Variants in TG observed in about 807,000 individuals in gnomAD.
TG encodes the protein thyroid hormones.
In TG, 270 loss-of-function variants were observed where a neutral mutation model predicts 324.7. That is an observed-to-expected ratio of 0.83 (90% CI 0.75 to 0.92). The LOEUF (loss-of-function observed/expected upper bound fraction) is 0.92. TG is among the 40% of genes least tolerant of loss of function. The pLI is 0.00. For synonymous variants in TG, 1,401 were observed against 1,327.0 expected (o/e 1.06, Z -1.21); for missense variants, 3,591 against 3,456.4 (o/e 1.04, Z -0.98).
chr8:132,941,214 G>A (rs2129907963), intron 25 of TG, 137 bp from the exon 26 acceptor site: 6 of 1,050,140 alleles, frequency 5.7e-6, no homozygotes, highest in Non-Finnish European at 8.7e-6. Context: ...GGCACAGAGA[G>A]CATCTCATCT....
At chr8:132,944,939 C>T (rs1360601767) in intron 26 of TG, among the ~76,000 whole-genome samples, 1 of 152,086 alleles carries the variant, frequency 6.6e-6, no homozygotes, top group Non-Finnish European at 1.5e-5. Flanking sequence ...GAAGAGAAGC[C>T]TAGAGGAAGC....
intron 41 of TG, among the ~76,000 whole-genome samples, chr8:133,088,665 AG>A (rs1846997783): frequency 6.6e-6 from 1 of 152,258 alleles, no homozygotes; most frequent in African/African-American, 2.4e-5. Flanking sequence ...TATACAAAAA[AG>A]AAGGAATAGC....
At position 132,908,275 on chromosome 8, in the gene TG, TTGC is replaced by T. The variant is rs1207576558; in HGVS notation, c.3941_3943del (p.Leu1314del). ...GATGTGCAGTGCTGACTACGCGGAT[TTGC>T]TGCAGACTTTCCAGGTTTTCATATT... On this transcript the variant is annotated inframe_deletion, in exon 18 of 48. Coordinates refer to ENST00000220616, the MANE Select transcript of TG (RefSeq NM_003235.5). 6.2e-7 allele frequency: 1 copy of T among 1,613,706 alleles called. No homozygotes were observed. The highest frequency in any genetic ancestry group is 1.7e-5 in the Admixed American group (1 of 59,950).
chr8:133,074,073 T>C (rs572038238), intron 41 of TG, among the ~76,000 whole-genome samples: 2 of 152,306 alleles, frequency 1.3e-5, no homozygotes, highest in South Asian at 4.1e-4. Flanking sequence ...TCTCCATATG[T>C]AGACACCTAA....
chr8:133,095,204 C>T lies in TG; in HGVS notation c.7400C>T (p.Thr2467Ile), dbSNP rs2131636638. 2 of 1,614,212 alleles carry T rather than the reference C, an allele frequency of 1.2e-6. No individual in the cohort carries two copies. The highest frequency in any genetic ancestry group is 2.2e-5 in the East Asian group (1 of 44,884). Reference sequence around the variant, plus strand: ...GCCAATGTCCTCAATGATGCCCAGACCAAGGTGAGCACTTAAGTGCAAGTT... The same window carrying T: ...GCCAATGTCCTCAATGATGCCCAGATCAAGGTGAGCACTTAAGTGCAAGTT... ...KPANVLNDAQ[T>I]KLLAVSGPFH... Residue 2467 changes from threonine (T) to isoleucine (I), a missense_variant, in exon 42 of 48, where the codon ACC (threonine) becomes ATC (isoleucine). Coordinates refer to ENST00000220616, the MANE Select transcript of TG (RefSeq NM_003235.5).
In TG at chr8:132,942,654, G is replaced by A. The variant is rs78153547; in HGVS notation, c.5233+1112G>A. ...AATGGCCTTTACTCATTTATTCATC[G>A]CTGCTGGCGTTCAGCAAACATGTTT... On this transcript the variant is annotated intron_variant, in intron 26 of 47. Transcript: ENST00000220616. 6.6e-3 allele frequency among the ~76,000 whole-genome samples: 1,001 copies of A among 152,276 alleles called. 12 individuals are homozygous for A. The highest frequency in any genetic ancestry group is 0.023 in the African/African-American group (940 of 41,546).
chr8:132,929,060 T>C lies in TG; in HGVS notation c.4700-16T>C, dbSNP rs761810911. The C allele has an allele frequency of 1.7e-5, 27 of 1,609,468 alleles. No homozygotes were observed. The highest frequency in any genetic ancestry group is 2.3e-5 in the Non-Finnish European group (27 of 1,176,468). ...ACCCTTCTGAGTCAGATTTACTAAA[T>C]CTGCTTTATTTTTAGTGATGCAGAA... On this transcript the variant is annotated splice_polypyrimidine_tract_variant and intron_variant, in intron 22 of 47. Coordinates refer to ENST00000220616, the MANE Select transcript of TG (RefSeq NM_003235.5).
chr8:133,094,849 C>A, intron 41 of TG, 195 bp from the exon 42 acceptor site: 1 of 715,234 alleles, frequency 1.4e-6, no homozygotes, highest in Non-Finnish European at 2.4e-6. Flanking sequence ...AGAGAGACAT[C>A]TTCAGTATCA....
rs771756292 is a variant in TG at position 132,888,542 on chromosome 8, G to A, written c.2735G>A (p.Arg912Gln). The A allele has an allele frequency of 6.2e-6, 10 of 1,611,618 alleles. No individual in the cohort carries two copies. The highest frequency in any genetic ancestry group is 1.9e-4 in the Middle Eastern group (1 of 5,154). Residue 912 changes from arginine (R) to glutamine (Q), a missense_variant, in exon 10 of 48, where the codon CGG (arginine) becomes CAG (glutamine). Coordinates refer to ENST00000220616, the MANE Select transcript of TG (RefSeq NM_003235.5). ...DEAGQELEGM[R>Q]SEPSKLPTCP... Reference sequence around the variant, plus strand: ...GCTGGCCAAGAACTGGAAGGAATGCGGTCTGAGCCAAGCAAGCTCCCAACA... The same window carrying A: ...GCTGGCCAAGAACTGGAAGGAATGCAGTCTGAGCCAAGCAAGCTCCCAACA...
chr8:133,073,717 A>T (rs1160738887), intron 41 of TG, among the ~76,000 whole-genome samples: 2 of 152,016 alleles, frequency 1.3e-5, no homozygotes, highest in African/African-American at 4.8e-5. Context: ...TTTTTCCTAA[A>T]GTCAAGGGCA....
chr8:132,946,878 A>C (rs146984539), intron 26 of TG, among the ~76,000 whole-genome samples: 5 of 152,168 alleles, frequency 3.3e-5, no homozygotes, highest in Non-Finnish European at 7.3e-5. Flanking sequence ...GACATTTGGC[A>C]CTAGTTAAAG....
intron 41 of TG, among the ~76,000 whole-genome samples, chr8:133,081,621 A>T (rs1845762492): frequency 6.6e-6 from 1 of 152,122 alleles, no homozygotes; most frequent in Non-Finnish European, 1.5e-5. Flanking sequence ...GTCCACCACA[A>T]CTGTCTGCTG....
chr8:132,976,761 AAGG>A (rs1830225073), intron 34 of TG, among the ~76,000 whole-genome samples: 1 of 152,132 alleles, frequency 6.6e-6, no homozygotes, highest in African/African-American at 2.4e-5. Flanking sequence ...TTCAGAACAG[AAGG>A]AGGAGGACTG....
At chr8:133,086,986 TA>T (rs1846664097) in intron 41 of TG, among the ~76,000 whole-genome samples, 1 of 151,862 alleles carries the variant, frequency 6.6e-6, no homozygotes, top group African/African-American at 2.4e-5. Flanking sequence ...TAAGTAATGA[TA>T]CAGAATGATA....
chr8:132,871,832 C>G (rs1839507585), intron 4 of TG, among the ~76,000 whole-genome samples: 1 of 152,154 alleles, frequency 6.6e-6, no homozygotes, highest in Non-Finnish European at 1.5e-5. Flanking sequence ...CTCTAACTGT[C>G]ACGTGTATAG....
intron 45 of TG, among the ~76,000 whole-genome samples, chr8:133,125,841 T>A (rs1222146497): frequency 1.3e-5 from 2 of 151,954 alleles, no homozygotes; most frequent in Admixed American, 6.6e-5. Flanking sequence ...CACATAGGAG[T>A]TTGTAAGCTG....
In TG at chr8:132,888,067, A is replaced by T; in HGVS notation, c.2260A>T (p.Thr754Ser). The T allele has an allele frequency of 6.2e-7, 1 of 1,613,906 alleles. No individual in the cohort carries two copies. Residue 754 changes from threonine (T) to serine (S), a missense_variant, in exon 10 of 48, where the codon ACC (threonine) becomes TCC (serine). Thr to Ser is a moderately conservative substitution (Grantham distance 58). Transcript: ENST00000220616. ...GCTCTCTAACTCCAGCATGCTACCC[A>T]CCCTTTCCGACACCTACATCCCACA... The part of the protein sequence containing the change: ...ALLSNSSMLP[T>S]LSDTYIPQCS...
chr8:132,871,739 C>T (rs546039827), intron 4 of TG, among the ~76,000 whole-genome samples, 188 bp downstream of exon 4: 4 of 152,352 alleles, frequency 2.6e-5, no homozygotes, highest in African/African-American at 9.6e-5. Flanking sequence ...AAGCCATATT[C>T]ACTGGCTGAT....
chr8:132,869,862 C>A, intron 3 of TG, 36 bp downstream of exon 3: 1 of 1,584,854 alleles, frequency 6.3e-7, no homozygotes, highest in Non-Finnish European at 8.7e-7. Context: ...TGGAGGGACC[C>A]TGCTAGGACA....
Sources: allele counts gnomAD v4.1 joint callset (sites outside exome capture counted in the v4.1 genomes callset), GRCh38; gene constraint gnomAD v4.1.1; transcripts MANE v1.5; gene names NCBI Gene and HGNC (gene_info 2026-07-23, HGNC 2026-07-21).